ANKRD11: variants seen among roughly 807,000 people sequenced by gnomAD.
The protein encoded by ANKRD11 is ankyrin repeat domain-containing protein 11.
In ANKRD11, 17 loss-of-function variants were observed where a neutral mutation model predicts 195.7. The observed-to-expected ratio is 0.09, with a 90% CI of 0.06 to 0.13. The LOEUF is 0.13. ANKRD11 is among the 10% of genes least tolerant of loss of function. ANKRD11 has a pLI of 1.00. For missense variants in ANKRD11, 3,735 were observed against 3,566.1 expected, an observed-to-expected ratio of 1.05 and a Z score of -1.21; for synonymous variants, 1,953 against 1,528.1, an observed-to-expected ratio of 1.28 and a Z score of -6.49.
At chr16:89,406,336 G>A (rs536881322) in intron 2 of ANKRD11, among the ~76,000 whole-genome samples, 112 of 152,206 alleles carry the variant, frequency 7.4e-4, no homozygotes, top group African/African-American at 2.4e-3. Context: ...AGGTCACGGC[G>A]GGCACGGGAA....
At chr16:89,431,503 A>G (rs371898746) in intron 1 of ANKRD11, among the ~76,000 whole-genome samples, 5 of 152,148 alleles carry the variant, frequency 3.3e-5, no homozygotes, top group Non-Finnish European at 5.9e-5. Context: ...AACATGGAAC[A>G]TAACTGGCAC....
intron 2 of ANKRD11, among the ~76,000 whole-genome samples, chr16:89,370,135 A>G (rs2040131599): frequency 6.6e-6 from 1 of 152,258 alleles, no homozygotes; most frequent in Non-Finnish European, 1.5e-5. Flanking sequence ...GAAAAGGATC[A>G]GACTCAGTAA....
chr16:89,462,831 G>A (rs1433592277), intron 1 of ANKRD11, among the ~76,000 whole-genome samples: 6 of 150,368 alleles, frequency 4.0e-5, no homozygotes, highest in Non-Finnish European at 7.4e-5. Context: ...CCCTCCGCCC[G>A]GCAGCCACCC....
At chr16:89,311,446 T>A (rs1229177715) in intron 3 of ANKRD11, among the ~76,000 whole-genome samples, 2 of 152,176 alleles carry the variant, frequency 1.3e-5, no homozygotes, top group Non-Finnish European at 2.9e-5. Context: ...TATGTTTACC[T>A]CACACCACAT....
At chr16:89,393,283 G>A (rs1012242704) in intron 2 of ANKRD11, among the ~76,000 whole-genome samples, 5 of 151,202 alleles carry the variant, frequency 3.3e-5, no homozygotes, top group African/African-American at 1.2e-4. Context: ...TTAAACTTTA[G>A]TTTCCTCTTT....
At chr16:89,410,418 A>G (rs2042068168) in intron 2 of ANKRD11, among the ~76,000 whole-genome samples, 1 of 152,230 alleles carries the variant, frequency 6.6e-6, no homozygotes, top group African/African-American at 2.4e-5. Flanking sequence ...AAAAAGACTC[A>G]TGGACACTGG....
chr16:89,480,888 T>A (rs181030422), intron 1 of ANKRD11, among the ~76,000 whole-genome samples: 250 of 152,218 alleles, frequency 1.6e-3, no homozygotes, highest in African/African-American at 5.8e-3. Context: ...CAGATAGCCA[T>A]TTCCTTTCCT....
Position 89,316,328 on chromosome 16 carries a change from C to T in ANKRD11, c.87+605G>A, listed in dbSNP as rs542139506. On this transcript the variant is annotated intron_variant, in intron 3 of 12. Coordinates refer to ENST00000301030, the MANE Select transcript of ANKRD11 (RefSeq NM_013275.6). ...TCGCTGGGCACACCCCAGAACTCGGCGTCTCCCCTCACAGTGCAGGACAGG... is the reference window on the plus strand; with the variant it reads ...TCGCTGGGCACACCCCAGAACTCGGTGTCTCCCCTCACAGTGCAGGACAGG... Among the ~76,000 whole-genome samples the T allele has an allele frequency of 1.4e-4, 21 of 152,242 alleles. No homozygotes were observed. The South Asian group carries it at 3.3e-3, about 24-fold the overall frequency.
intron 1 of ANKRD11, among the ~76,000 whole-genome samples, chr16:89,475,672 A>C (rs1446512410): frequency 6.6e-6 from 1 of 152,202 alleles, no homozygotes; most frequent in Non-Finnish European, 1.5e-5. Flanking sequence ...AAACAATTAC[A>C]ATCAAAATTC....
At chr16:89,351,621 G>C (rs903527096) in intron 2 of ANKRD11, among the ~76,000 whole-genome samples, 1 of 152,238 alleles carries the variant, frequency 6.6e-6, no homozygotes, top group Admixed American at 6.5e-5. Flanking sequence ...CAATGCTGCT[G>C]TGGGCACTGC....
At chr16:89,432,989 T>TCC (rs1184994176) in intron 1 of ANKRD11, among the ~76,000 whole-genome samples, 28 of 118,434 alleles carry the variant, frequency 2.4e-4, no homozygotes, top group African/African-American at 8.2e-4. Flanking sequence ...TCTCTCTCTC[T>TCC]CCTCTCTCTC....
chr16:89,278,929 G>C (rs762590879), intron 9 of ANKRD11, 143 bp downstream of exon 9: 1 of 1,329,006 alleles, frequency 7.5e-7, no homozygotes, highest in East Asian at 2.5e-5. Flanking sequence ...GCAGAAGTGG[G>C]GCTGTGTCTC....
rs1301757340 is a variant in ANKRD11, at chr16:89,267,938, C to T, written c.*540G>A. On this transcript the variant is annotated 3_prime_UTR_variant, in exon 13 of 13. Coordinates refer to ENST00000301030, the MANE Select transcript of ANKRD11 (RefSeq NM_013275.6). ...CTGGGAGTCCTGGCTCTGTGTCCCT[C>T]CGCCTGGCTCCGCACCAGGTCTGAA... 1 of 163,296 alleles carries T rather than the reference C, an allele frequency of 6.1e-6. No individual in the cohort carries two copies. Among genetic ancestry groups the T allele is most frequent in the African/African-American group, 2.4e-5 (1 of 41,586 alleles). 10.1% of individuals were successfully genotyped at this position (163,296 alleles called of 1,614,324 possible).
At chr16:89,272,324 G>GT (rs1411770729) in intron 11 of ANKRD11, 1 of 152,234 alleles carries the variant, frequency 6.6e-6, no homozygotes, top group Non-Finnish European at 1.5e-5. Flanking sequence ...CCGCCGTGGA[G>GT]AACAGTTTGG....
chr16:89,467,166 T>C (rs944934893), intron 1 of ANKRD11, among the ~76,000 whole-genome samples: 5 of 152,020 alleles, frequency 3.3e-5, no homozygotes, highest in Non-Finnish European at 7.4e-5. Context: ...GAGCGGCGGC[T>C]CATGTCTATA....
In ANKRD11 at chr16:89,344,243, G is replaced by T. The variant is rs563169192; in HGVS notation, c.-59-27165C>A. On this transcript the variant is annotated intron_variant, in intron 2 of 12. Transcript: ENST00000301030. ...ATCCATTTCAAATTACATCTGCACG[G>T]TGCTTTACTTTCATACGTTATTTTA... Among the ~76,000 whole-genome samples the T allele has an allele frequency of 5.9e-5, 9 of 152,288 alleles. No homozygotes were observed. In the East Asian group the frequency reaches 1.7e-3, roughly 29 times the overall value.
Position 89,283,809 on chromosome 16 carries a change from G to C in ANKRD11, c.2733C>G (p.Asp911Glu), listed in dbSNP as rs938858138. 1 of 1,614,062 alleles carries C rather than the reference G, an allele frequency of 6.2e-7. No homozygotes were observed. The highest frequency in any genetic ancestry group is 1.6e-4 in the Middle Eastern group (1 of 6,062). The stretch of plus-strand genomic sequence containing the variant: ...TCTTCTCAGAGTTTTTATCCAAATA[G>C]TCCCTGTCCTTCTTTCGGAAGAAGG... ...REPFFRKKDR[D>E]YLDKNSEKRK... The change falls in exon 9 of 13, where the codon GAC becomes GAG. Residue 911 changes from aspartate to glutamate, a missense_variant. By Grantham distance (45) the Asp-to-Glu change is conservative. Transcript: ENST00000301030. The surrounding 1 kb of genome is among the most constrained non-coding windows in gnomAD (Gnocchi z 4.3).
In ANKRD11 at chr16:89,279,897, C is replaced by T; in HGVS notation, c.6645G>A (p.Val2215=). ...PEPSGEPKLD[V]ALEAAVEAET... Reference sequence around the variant, plus strand: ...CCGCCTCCACCGCAGCTTCTAGAGCCACGTCCAGCTTTGGCTCCCCTGAGG... The same window carrying T: ...CCGCCTCCACCGCAGCTTCTAGAGCTACGTCCAGCTTTGGCTCCCCTGAGG... Residue 2215 remains valine, a synonymous_variant, in exon 9 of 13, where the codon GTG becomes GTA. Transcript: ENST00000301030. This position sits in a 1 kb window ranked among gnomAD's most constrained non-coding sequence, Gnocchi z 5.6. 1.2e-6 allele frequency: 2 copies of T among 1,606,392 alleles called. No homozygotes were observed. Among genetic ancestry groups the T allele is most frequent in the African/African-American group, 2.7e-5 (2 of 75,008 alleles).
At position 89,280,325 on chromosome 16, in the gene ANKRD11, G is replaced by A. The variant is rs1466198155; in HGVS notation, c.6217C>T (p.Pro2073Ser). ...GGGGCCACGTCCAGCGGGGCTTCCGGAAGTGACTTGCAGTTGCTGAAGAAG... is the reference window on the plus strand; with the variant it reads ...GGGGCCACGTCCAGCGGGGCTTCCGAAAGTGACTTGCAGTTGCTGAAGAAG... ...ESFFSNCKSL[P>S]EAPLDVAPEP... The change falls in exon 9 of 13, where the codon CCG (proline) becomes TCG (serine). Residue 2073 changes from proline (P) to serine (S), a missense_variant. Coordinates refer to ENST00000301030, the MANE Select transcript of ANKRD11 (RefSeq NM_013275.6). 7 of 1,585,494 alleles carry A rather than the reference G, an allele frequency of 4.4e-6. No homozygotes were observed. The South Asian group carries it at 7.9e-5, about 18-fold the overall frequency.
Sources: allele counts gnomAD v4.1 joint callset (sites outside exome capture counted in the v4.1 genomes callset), GRCh38; gene constraint gnomAD v4.1.1; non-coding constraint Gnocchi (gnomAD v3.1); transcripts MANE v1.5; gene names NCBI Gene and HGNC (gene_info 2026-07-23, HGNC 2026-07-21).